Variants in PABPC1L observed in about 807,000 individuals in gnomAD.
The protein encoded by PABPC1L is polyadenylate-binding protein 1-like.
Under a neutral mutation model 66.6 loss-of-function variants are expected in PABPC1L, and 31 were observed. The ratio of observed to expected loss-of-function variants is 0.47; its 90% CI spans 0.35 to 0.63. PABPC1L has a LOEUF of 0.63. Ranked by LOEUF, PABPC1L falls within the 20% of genes least tolerant of loss-of-function variation. The probability of loss-of-function intolerance (pLI) is 0.00; values close to 1 mark genes in which losing one functional copy is unlikely to be tolerated. For missense variants in PABPC1L, 722 were observed against 848.8 expected (o/e 0.85, Z 1.86); for synonymous variants, 348 against 335.1 (o/e 1.04, Z -0.42).
intron 5 of PABPC1L, among the ~76,000 whole-genome samples, chr20:44,921,150 AT>A (rs3092593): frequency 0.43 from 57,933 of 135,354 alleles, 12,487 homozygotes; most frequent in African/African-American, 0.58. Flanking sequence ...CCCAGTCCGA[AT>A]TTTTTTTTTT....
intron 10 of PABPC1L, among the ~76,000 whole-genome samples, chr20:44,933,989 T>A (rs2066882135): frequency 6.6e-6 from 1 of 151,870 alleles, no homozygotes; most frequent in South Asian, 2.1e-4. Flanking sequence ...TGACCTTAGG[T>A]GATCCACCAG....
intron 7 of PABPC1L, 103 bp downstream of exon 7, chr20:44,924,359 G>T (rs2066794437): frequency 3.3e-6 from 3 of 897,404 alleles, no homozygotes; most frequent in South Asian, 3.1e-5. Context: ...GCAGCCTTCA[G>T]GGGGTTGGTG....
chr20:44,930,841 T>A (rs2066847521), intron 8 of PABPC1L, 115 bp downstream of exon 8: 9 of 1,383,962 alleles, frequency 6.5e-6, no homozygotes, highest in African/African-American at 1.4e-5. Context: ...TGCCGAGGAC[T>A]CATTAGGAAG....
At position 44,930,059 on chromosome 20, in the gene PABPC1L, G is replaced by A. The variant is rs775360739; in HGVS notation, c.973-401G>A. 3.9e-5 allele frequency among the ~76,000 whole-genome samples: 6 copies of A among 152,060 alleles called. No individual in the cohort carries two copies. The South Asian group carries it at 6.2e-4, about 16-fold the overall frequency. ...CACTCTTTCGAGTCTCTCTTATCCCGGCTGTAAAGTGGGAGCCGCGATGCC... is the reference window on the plus strand; with the variant it reads ...CACTCTTTCGAGTCTCTCTTATCCCAGCTGTAAAGTGGGAGCCGCGATGCC... On this transcript the variant is annotated intron_variant, in intron 7 of 14. Coordinates refer to ENST00000217073, the MANE Select transcript of PABPC1L (RefSeq NM_001372179.1).
In PABPC1L at chr20:44,933,049, A is replaced by C. The variant is rs2066873565; in HGVS notation, c.1331-8A>C. Reference sequence around the variant, plus strand: ...ACTTTTCTCTCTCTGTGGTGTCTGCACCACAAGCTGCCTACCCTCCAGGTG... The same window carrying C: ...ACTTTTCTCTCTCTGTGGTGTCTGCCCCACAAGCTGCCTACCCTCCAGGTG... On this transcript the variant is annotated splice_polypyrimidine_tract_variant and splice_region_variant and intron_variant, in intron 9 of 14. Coordinates refer to ENST00000217073, the MANE Select transcript of PABPC1L (RefSeq NM_001372179.1). The C allele has an allele frequency of 1.3e-6, 2 of 1,559,170 alleles. No individual in the cohort carries two copies. The highest frequency in any genetic ancestry group is 8.7e-7 in the Non-Finnish European group (1 of 1,148,756).
intron 7 of PABPC1L, among the ~76,000 whole-genome samples, chr20:44,927,979 A>G (rs964622152): frequency 2.0e-5 from 3 of 151,864 alleles, no homozygotes; most frequent in African/African-American, 7.3e-5. Context: ...AATGCATAAA[A>G]TAAGATTCTT....
At chr20:44,938,863 C>A in intron 14 of PABPC1L, 115 bp downstream of exon 14, 2 of 1,036,898 alleles carry the variant, frequency 1.9e-6, no homozygotes, top group South Asian at 1.4e-5. Flanking sequence ...TTCTCTGAAG[C>A]ACCAAAGAGT....
At chr20:44,936,867 C>T (rs1262379168) in intron 12 of PABPC1L, 137 bp downstream of exon 12, 7 of 866,118 alleles carry the variant, frequency 8.1e-6, no homozygotes, top group Admixed American at 4.0e-5. Flanking sequence ...ACTGGGTGAC[C>T]GTGGCCAAGC....
rs1414679746 is a variant in PABPC1L at position 44,910,122 on chromosome 20, C to A, written c.-22C>A. Reference sequence around the variant, plus strand: ...GGTGACCCGGCTCCTGCTTGCCCCGCAGCCCCGGCCCCCTGCCCACCATGA... The same window carrying A: ...GGTGACCCGGCTCCTGCTTGCCCCGAAGCCCCGGCCCCCTGCCCACCATGA... On this transcript the variant is annotated 5_prime_UTR_variant, in exon 1 of 15. Coordinates refer to ENST00000217073, the MANE Select transcript of PABPC1L (RefSeq NM_001372179.1). 3.3e-6 allele frequency: 5 copies of A among 1,537,378 alleles called. No individual in the cohort carries two copies. In the East Asian group the frequency reaches 1.0e-4, roughly 31 times the overall value.
At chr20:44,930,335 C>T (rs1262438090) in intron 7 of PABPC1L, 125 bp from the exon 8 acceptor site, 1 of 1,314,990 alleles carries the variant, frequency 7.6e-7, no homozygotes, top group Non-Finnish European at 1.0e-6. Flanking sequence ...CGCTACATCC[C>T]TCCATCACAG....
intron 5 of PABPC1L, 101 bp from the exon 6 acceptor site, chr20:44,921,492 GC>G: frequency 6.7e-7 from 1 of 1,499,950 alleles, no homozygotes; most frequent in Non-Finnish European, 9.0e-7. Context: ...AGCTAGTGTG[GC>G]CAGCCTGGTT....
rs187392409 is a variant in PABPC1L, at chr20:44,921,423, C to T, written c.739-171C>T. Among the ~76,000 whole-genome samples the T allele has an allele frequency of 7.2e-5, 11 of 152,342 alleles. No homozygotes were observed. In the East Asian group the frequency reaches 2.1e-3, roughly 29 times the overall value. On this transcript the variant is annotated intron_variant, in intron 5 of 14. Coordinates refer to ENST00000217073, the MANE Select transcript of PABPC1L (RefSeq NM_001372179.1). ...TCGGCCACCCAAAGTGCTGGGATTA[C>T]AGGCATGAGCCAAAGTGGGTATACT... is the stretch of plus-strand genomic sequence containing the variant.
chr20:44,910,179 G>T lies in PABPC1L; in HGVS notation c.36G>T (p.Ser12=), dbSNP rs1309312402. ...NASGSGYPLA[S]LYVGDLHPDV... is the part of the protein sequence containing the mutation. ...GCGGTTCTGGCTACCCGCTTGCCTC[G>T]CTTTACGTGGGCGATCTGCACCCCG... Residue 12 remains serine (S), a synonymous_variant, in exon 1 of 15, where the codon TCG becomes TCT. Transcript: ENST00000217073. 3.8e-6 allele frequency: 6 copies of T among 1,578,654 alleles called. No individual in the cohort carries two copies. In the East Asian group the frequency reaches 1.4e-4, roughly 37 times the overall value.
At chr20:44,922,708 T>A (rs528105678) in intron 6 of PABPC1L, among the ~76,000 whole-genome samples, 1 of 152,210 alleles carries the variant, frequency 6.6e-6, no homozygotes, top group African/African-American at 2.4e-5. Flanking sequence ...AGATCCTTCA[T>A]GGAGAGGGGC....
Position 44,932,328 on chromosome 20 carries a change from CT to C in PABPC1L, c.1240-10del. 2.5e-6 allele frequency: 4 copies of C among 1,597,384 alleles called. No homozygotes were observed. The highest frequency in any genetic ancestry group is 1.7e-5 in the Admixed American group (1 of 58,542). The stretch of plus-strand genomic sequence containing the variant: ...CGCCAAGCCCCTCAGTCTGGGTCTT[CT>C]TTTCCCATGCAGCCTCCAGCCCAGG... On this transcript the variant is annotated splice_polypyrimidine_tract_variant and intron_variant, in intron 8 of 14. Transcript: ENST00000217073.
At chr20:44,910,452 G>A in intron 1 of PABPC1L, 116 bp downstream of exon 1, 2 of 1,201,700 alleles carry the variant, frequency 1.7e-6, no homozygotes, top group Admixed American at 3.0e-5. Flanking sequence ...CGGGGAAACT[G>A]AGGCTCAAAG....
intron 5 of PABPC1L, among the ~76,000 whole-genome samples, chr20:44,919,709 T>C (rs1230344536): frequency 2.6e-5 from 4 of 152,034 alleles, no homozygotes; most frequent in Non-Finnish European, 5.9e-5. Context: ...ACTCTCCAGA[T>C]GTGATGGCTC....
chr20:44,935,874 A>G lies in PABPC1L; in HGVS notation c.1566+377A>G, dbSNP rs116864222. Among the ~76,000 whole-genome samples the G allele has an allele frequency of 4.4e-3, 673 of 152,356 alleles. 4 individuals are homozygous for G. Among genetic ancestry groups the G allele is most frequent in the Middle Eastern group, 0.031 (9 of 294 alleles). On this transcript the variant is annotated intron_variant, in intron 11 of 14. Transcript: ENST00000217073. ...TATCTCCCTCCCCTAAAAAAGGCCT[A>G]AAATTCAGCATTATCATATCCTGTG...
At chr20:44,929,205 T>G (rs2066833126) in intron 7 of PABPC1L, among the ~76,000 whole-genome samples, 1 of 151,988 alleles carries the variant, frequency 6.6e-6, no homozygotes, top group Non-Finnish European at 1.5e-5. Context: ...GAGGCTGCAG[T>G]GAGCTATGAT....
Sources: gnomAD v4.1 joint callset for allele counts (sites outside exome capture counted in the v4.1 genomes callset) on GRCh38, gnomAD v4.1.1 for gene constraint, MANE v1.5 for transcripts, NCBI Gene and HGNC (gene_info 2026-07-23, HGNC 2026-07-21) for gene names.